The following NCOR1 variants were observed in gnomAD, a reference collection of about 807,000 sequenced individuals.
The protein encoded by NCOR1 is nuclear receptor corepressor 1.
A neutral mutation model predicts 288.1 loss-of-function variants in NCOR1; 63 were observed. That is an observed-to-expected ratio of 0.22 (90% confidence interval 0.18 to 0.27). The LOEUF (loss-of-function observed/expected upper bound fraction) is 0.27. NCOR1 is among the 10% of genes least tolerant of loss of function. The pLI is 1.00. For synonymous variants in NCOR1, 1,007 were observed against 1,065.9 expected, an observed-to-expected ratio of 0.94 and a Z score of 1.08; for missense variants, 2,397 against 3,019.2, an observed-to-expected ratio of 0.79 and a Z score of 4.83.
At chr17:16,096,934 G>A (rs145367816) in intron 21 of NCOR1, among the ~76,000 whole-genome samples, 1 of 152,326 alleles carries the variant, frequency 6.6e-6, no homozygotes, top group African/African-American at 2.4e-5. Flanking sequence ...ATACAATGGA[G>A]TATTATTCAG....
chr17:16,083,241 G>C (rs1029501765), intron 23 of NCOR1, among the ~76,000 whole-genome samples: 5 of 138,660 alleles, frequency 3.6e-5, no homozygotes, highest in African/African-American at 1.3e-4. Context: ...TCAAAAAAAG[G>C]AAAAAAAAAA....
In NCOR1 at chr17:16,080,668, G is replaced by C; in HGVS notation, c.3237C>G (p.Pro1079=). 6.2e-7 allele frequency: 1 copy of C among 1,614,058 alleles called. No homozygotes were observed. The highest frequency in any genetic ancestry group is 1.1e-5 in the South Asian group (1 of 91,080). ...HNQASYTQET[P]KPSVGSISLG... ...GAGAGATAGATCCCACTGACGGCTT[G>C]GGTGTTTCTTGAGTGTAGGAAGCCT... Residue 1079 remains proline (P), a synonymous_variant, in exon 24 of 46, where the codon CCC becomes CCG. Coordinates refer to ENST00000268712, the MANE Select transcript of NCOR1 (RefSeq NM_006311.4).
In NCOR1 at chr17:16,155,370, T is replaced by TACAC. The variant is rs1310916507; in HGVS notation, c.733-1979_733-1976dup. Among the ~76,000 whole-genome samples the TACAC allele has an allele frequency of 5.2e-3, 590 of 113,208 alleles. 4 individuals are homozygous for TACAC. Among genetic ancestry groups the TACAC allele is most frequent in the African/African-American group, 0.018 (549 of 30,428 alleles). The allele number at this position is 113,208 out of a possible 152,430, so 74.3% of individuals were successfully genotyped here. On this transcript the variant is annotated intron_variant, in intron 6 of 45. Coordinates refer to ENST00000268712, the MANE Select transcript of NCOR1 (RefSeq NM_006311.4). ...TGTCTCAAAAAAAAAAAAAAAAAAA[T>TACAC]ACACACACACACACACACACACCCA...
chr17:16,048,741 C>T (rs1286153694), intron 41 of NCOR1, 104 bp downstream of exon 41: 1 of 1,276,752 alleles, frequency 7.8e-7, no homozygotes, highest in Non-Finnish European at 1.0e-6. Context: ...GCCATCCAGA[C>T]ATAAAAGCCC....
chr17:16,086,189 T>C, intron 23 of NCOR1, 93 bp downstream of exon 23: 1 of 1,305,784 alleles, frequency 7.7e-7, no homozygotes, highest in South Asian at 1.3e-5. Context: ...TTATTATTTA[T>C]TACAACTCTG....
intron 21 of NCOR1, among the ~76,000 whole-genome samples, chr17:16,095,390 A>G (rs1459417247): frequency 4.1e-5 from 6 of 147,202 alleles, no homozygotes; most frequent in Non-Finnish European, 1.5e-5. Flanking sequence ...CCCGGGAGGG[A>G]GGTGGGGGGT....
At chr17:16,130,290 G>C (rs1475130226) in intron 14 of NCOR1, among the ~76,000 whole-genome samples, 6 of 152,224 alleles carry the variant, frequency 3.9e-5, no homozygotes, top group African/African-American at 1.4e-4. Context: ...AGAGATGCTT[G>C]GAACTACTTT....
intron 23 of NCOR1, among the ~76,000 whole-genome samples, chr17:16,083,435 A>C (rs2063716546): frequency 1.3e-5 from 2 of 152,112 alleles, no homozygotes; most frequent in Admixed American, 1.3e-4. Context: ...CAAATCTCTA[A>C]AGTGAAAACT....
At chr17:16,166,481 C>T (rs952776537) in intron 4 of NCOR1, among the ~76,000 whole-genome samples, 9 of 152,090 alleles carry the variant, frequency 5.9e-5, no homozygotes, top group Admixed American at 2.0e-4. Context: ...GAGTTCCAGA[C>T]CAGCCTAACC....
At chr17:16,169,663 G>C (rs769051795) in intron 4 of NCOR1, among the ~76,000 whole-genome samples, 1 of 152,050 alleles carries the variant, frequency 6.6e-6, no homozygotes, top group Non-Finnish European at 1.5e-5. Context: ...TAATTTTTCT[G>C]AACACCCAGT....
chr17:16,169,122 T>G (rs1030249317), intron 4 of NCOR1, among the ~76,000 whole-genome samples: 1 of 152,182 alleles, frequency 6.6e-6, no homozygotes, highest in Non-Finnish European at 1.5e-5. Context: ...GTTGTAAACC[T>G]ATTGGCACAA....
intron 17 of NCOR1, 31 bp downstream of exon 17, chr17:16,119,388 CAAAA>C (rs1348165488): frequency 6.6e-7 from 1 of 1,524,422 alleles, no homozygotes; most frequent in African/African-American, 1.4e-5. Flanking sequence ...AAAAACAAAA[CAAAA>C]ACCTGAGAAA....
chr17:16,090,622 T>G (rs2065024931), intron 22 of NCOR1, among the ~76,000 whole-genome samples: 1 of 152,186 alleles, frequency 6.6e-6, no homozygotes, highest in South Asian at 2.1e-4. Flanking sequence ...CTACCTTCAT[T>G]CAAGGAAATA....
chr17:16,058,338 AAAG>A, intron 38 of NCOR1, 130 bp downstream of exon 38: 1 of 1,186,562 alleles, frequency 8.4e-7, no homozygotes. Flanking sequence ...TGCTGTTTCT[AAAG>A]AAGGCTCATG....
intron 44 of NCOR1, 92 bp from the exon 45 acceptor site, chr17:16,035,036 A>G (rs1973941111): frequency 1.6e-6 from 2 of 1,222,406 alleles, no homozygotes; most frequent in Admixed American, 2.3e-5. Flanking sequence ...ATGAAAAAAA[A>G]GCAGAATGGT....
chr17:16,046,454 C>A (rs2058669992), intron 42 of NCOR1, among the ~76,000 whole-genome samples: 1 of 152,108 alleles, frequency 6.6e-6, no homozygotes, highest in Non-Finnish European at 1.5e-5. Context: ...TTACTCGAAA[C>A]CTAGTGAAAG....
intron 19 of NCOR1, among the ~76,000 whole-genome samples, chr17:16,103,031 T>TATCGTTTATATTGTTCTATA (rs1258317108): frequency 6.6e-6 from 1 of 152,244 alleles, no homozygotes; most frequent in South Asian, 2.1e-4. Context: ...TCTTTCCCCA[T>TATCGTTTATATTGTTCTATA]ATCGTTTATA....
Position 16,108,830 on chromosome 17 carries a change from T to C in NCOR1, c.2138A>G (p.Asp713Gly), listed in dbSNP as rs757636319. 1 of 1,606,790 alleles carries C rather than the reference T, an allele frequency of 6.2e-7. No individual in the cohort carries two copies. Residue 713 changes from aspartate (D) to glycine (G), a missense_variant, in exon 19 of 46, where the codon GAT (aspartate) becomes GGT (glycine). Physicochemically the swap from Asp to Gly is moderately conservative, Grantham distance 94. Around this residue, in one of 11 missense-constraint regions of NCOR1, gnomAD observed 1,872 missense variants for 2,187.8 expected, o/e 0.86. Transcript: ENST00000268712. ...TTCTTCTTCATTGGAGGCTTCAATA[T>C]CTTCATCCTCCTGAGCAGAAACAGT... ...ASTVSAQEDE[D>G]IEASNEEENP... is the part of the protein sequence containing the mutation.
chr17:16,070,225 G>A lies in NCOR1; in HGVS notation c.4453C>T (p.Pro1485Ser). Reference protein sequence around the residue: ...IYDDTSARRTPVSYQNTMSRG... With the variant: ...IYDDTSARRTSVSYQNTMSRG... ...GACATGGTGTTTTGATAACTCACAG[G>A]GGTCCTCCGTGCACTGGTGTCATCA... The change falls in exon 31 of 46, where the codon CCT becomes TCT. Residue 1485 changes from proline to serine, a missense_variant. Around this residue, in one of 11 missense-constraint regions of NCOR1, gnomAD observed 1,872 missense variants for 2,187.8 expected, o/e 0.86. Coordinates refer to ENST00000268712, the MANE Select transcript of NCOR1 (RefSeq NM_006311.4). 1 of 1,613,836 alleles carries A rather than the reference G, an allele frequency of 6.2e-7. No homozygotes were observed. The highest frequency in any genetic ancestry group is 8.5e-7 in the Non-Finnish European group (1 of 1,179,968).
Sources: allele counts gnomAD v4.1 joint callset (sites outside exome capture counted in the v4.1 genomes callset), GRCh38; gene constraint gnomAD v4.1.1; regional missense constraint gnomAD v4.1.1; transcripts MANE v1.5; gene names NCBI Gene and HGNC (gene_info 2026-07-23, HGNC 2026-07-21).